Variants in TTLL5 observed in about 807,000 individuals in gnomAD.
TTLL5 encodes tubulin tyrosine ligase like 5, also known as tubulin polyglutamylase TTLL5.
Under a neutral mutation model 168.4 loss-of-function variants are expected in TTLL5, and 132 were observed. The ratio of observed to expected loss-of-function variants is 0.78; its 90% CI spans 0.68 to 0.91. The LOEUF (loss-of-function observed/expected upper bound fraction) is 0.91. Among genes scored for constraint, TTLL5 ranks in the 40% least tolerant of loss-of-function variants. The pLI is 0.00. For synonymous variants in TTLL5, 546 were observed against 558.6 expected, an observed-to-expected ratio of 0.98 and a Z score of 0.32; for missense variants, 1,545 against 1,581.5, an observed-to-expected ratio of 0.98 and a Z score of 0.39.
At chr14:75,763,070 T>A (rs1263273967) in intron 18 of TTLL5, among the ~76,000 whole-genome samples, 1 of 152,154 alleles carries the variant, frequency 6.6e-6, no homozygotes, top group Non-Finnish European at 1.5e-5. Flanking sequence ...ATGTCGGTGT[T>A]AAGCTATGCC....
chr14:75,806,334 A>G (rs750449857), intron 27 of TTLL5, among the ~76,000 whole-genome samples: 4 of 152,106 alleles, frequency 2.6e-5, no homozygotes, highest in Non-Finnish European at 5.9e-5. Context: ...CCCGGCCATA[A>G]TGGATCCTTT....
rs759855355 is a variant in TTLL5 at position 75,783,299 on chromosome 14, T to C, written c.2755T>C (p.Ser919Pro). Reference protein sequence around the residue: ...SPGPCHHSSLSQIPSAIPSMP... With the variant: ...SPGPCHHSSLPQIPSAIPSMP... ...AGGGCCTTGCCACCATTCTTCTTTATCTCAAATTCCTTCAGCTATCCCCAG... is the reference window on the plus strand; with the variant it reads ...AGGGCCTTGCCACCATTCTTCTTTACCTCAAATTCCTTCAGCTATCCCCAG... Residue 919 changes from serine to proline, a missense_variant, in exon 26 of 32, where the codon TCT (serine) becomes CCT (proline). Physicochemically the swap from Ser to Pro is moderately conservative, Grantham distance 74. Transcript: ENST00000298832. 6.2e-7 allele frequency: 1 copy of C among 1,614,202 alleles called. No homozygotes were observed. The highest frequency in any genetic ancestry group is 8.5e-7 in the Non-Finnish European group (1 of 1,180,032).
intron 28 of TTLL5, among the ~76,000 whole-genome samples, chr14:75,821,299 A>G (rs1203345705): frequency 6.6e-6 from 1 of 152,218 alleles, no homozygotes; most frequent in Non-Finnish European, 1.5e-5. Context: ...CCGAAGACCA[A>G]GACGCAGGAC....
At chr14:75,674,490 A>T (rs1566809523) in intron 3 of TTLL5, among the ~76,000 whole-genome samples, 2 of 152,148 alleles carry the variant, frequency 1.3e-5, no homozygotes, top group African/African-American at 4.8e-5. Context: ...TCTCTTTATG[A>T]CATGTTTCAT....
intron 9 of TTLL5, among the ~76,000 whole-genome samples, chr14:75,708,965 G>A (rs903425634): frequency 5.3e-5 from 8 of 152,064 alleles, no homozygotes; most frequent in Non-Finnish European, 1.0e-4. Flanking sequence ...TAGCTGATGA[G>A]CTTAAAAAAA....
chr14:75,908,205 G>A (rs1176506101), intron 31 of TTLL5, among the ~76,000 whole-genome samples: 1 of 152,250 alleles, frequency 6.6e-6, no homozygotes, highest in Non-Finnish European at 1.5e-5. Flanking sequence ...TATGGACAAA[G>A]AGGACAGAGT....
At position 75,890,658 on chromosome 14, in the gene TTLL5, AC is replaced by A. The variant is rs1326894402; in HGVS notation, c.3740+7758del. On this transcript the variant is annotated intron_variant, in intron 30 of 31. Transcript: ENST00000298832. The stretch of plus-strand genomic sequence containing the variant: ...CTTAAACACATGAGTAGGCCCAGGA[AC>A]CATTTTTAAAAATCGTCTCCAAAAT... 4.6e-5 allele frequency among the ~76,000 whole-genome samples: 7 copies of A among 152,318 alleles called. No individual in the cohort carries two copies. In the East Asian group the frequency reaches 1.4e-3, roughly 29 times the overall value.
At chr14:75,738,775 A>G (rs887684095) in intron 15 of TTLL5, among the ~76,000 whole-genome samples, 1 of 152,120 alleles carries the variant, frequency 6.6e-6, no homozygotes, top group African/African-American at 2.4e-5. Context: ...TTGACTGTAA[A>G]GAAGTGTCTT....
chr14:75,872,697 A>T (rs2031132318), intron 29 of TTLL5, among the ~76,000 whole-genome samples: 1 of 152,012 alleles, frequency 6.6e-6, no homozygotes, highest in Admixed American at 6.6e-5. Context: ...ATCACCTGAG[A>T]TTGGGAGTTC....
intron 21 of TTLL5, among the ~76,000 whole-genome samples, chr14:75,772,579 A>G (rs1430128951): frequency 3.3e-5 from 5 of 152,026 alleles, no homozygotes; most frequent in Admixed American, 2.6e-4. Context: ...ATTCTAGGAC[A>G]GTTTTGTGTG....
chr14:75,702,191 C>T (rs1302055771), intron 7 of TTLL5, among the ~76,000 whole-genome samples: 1 of 152,264 alleles, frequency 6.6e-6, no homozygotes, highest in Admixed American at 6.5e-5. Context: ...TTGGCTGCAA[C>T]TTCTGTTACC....
At chr14:75,809,538 C>T (rs1281597091) in intron 27 of TTLL5, among the ~76,000 whole-genome samples, 2 of 152,078 alleles carry the variant, frequency 1.3e-5, no homozygotes, top group African/African-American at 4.8e-5. Flanking sequence ...TTGGGATATC[C>T]GTTGCTTCAA....
At chr14:75,775,405 A>G in intron 21 of TTLL5, 79 bp from the exon 22 acceptor site, 1 of 1,504,702 alleles carries the variant, frequency 6.6e-7, no homozygotes, top group Non-Finnish European at 9.1e-7. Flanking sequence ...TCTCTGTTAT[A>G]TAATGCCTTC....
At chr14:75,855,234 T>C (rs1374371156) in intron 28 of TTLL5, among the ~76,000 whole-genome samples, 1 of 152,118 alleles carries the variant, frequency 6.6e-6, no homozygotes, top group Non-Finnish European at 1.5e-5. Context: ...CTGGAATTTT[T>C]ATTGTGATCG....
intron 28 of TTLL5, among the ~76,000 whole-genome samples, chr14:75,826,926 C>CTACG (rs1895189315): frequency 3.1e-5 from 1 of 31,908 alleles, no homozygotes; most frequent in African/African-American, 1.4e-4. Context: ...TTTAACTAAC[C>CTACG]CACCTGCCCT....
At chr14:75,812,421 T>A (rs563209416) in intron 27 of TTLL5, among the ~76,000 whole-genome samples, 1 of 152,162 alleles carries the variant, frequency 6.6e-6, no homozygotes, top group Non-Finnish European at 1.5e-5. Context: ...AAATTTCTTG[T>A]TTTTTTGTTT....
At chr14:75,718,977 A>T (rs1887654311) in intron 10 of TTLL5, among the ~76,000 whole-genome samples, 1 of 152,220 alleles carries the variant, frequency 6.6e-6, no homozygotes, top group South Asian at 2.1e-4. Context: ...GACTGAAGAG[A>T]TCATACCTCC....
intron 31 of TTLL5, among the ~76,000 whole-genome samples, chr14:75,919,909 T>C (rs748604282): frequency 6.6e-6 from 1 of 151,508 alleles, no homozygotes; most frequent in Non-Finnish European, 1.5e-5. Flanking sequence ...TCACTTGAGC[T>C]CAGGAGTTTG....
chr14:75,907,315 C>T (rs2045186581), intron 31 of TTLL5, among the ~76,000 whole-genome samples: 1 of 152,188 alleles, frequency 6.6e-6, no homozygotes, highest in Non-Finnish European at 1.5e-5. Flanking sequence ...GAAGCTGTTT[C>T]CACACTTCAC....
Sources: gnomAD v4.1 joint callset for allele counts (sites outside exome capture counted in the v4.1 genomes callset) on GRCh38, gnomAD v4.1.1 for gene constraint, MANE v1.5 for transcripts, NCBI Gene and HGNC (gene_info 2026-07-23, HGNC 2026-07-21) for gene names.